Variants in C11orf97 observed in about 807,000 individuals in gnomAD.
C11orf97 encodes the protein uncharacterized protein C11orf97.
In C11orf97, 15 loss-of-function variants were observed where a neutral mutation model predicts 16.2. That is an observed-to-expected ratio of 0.93 (90% CI 0.62 to 1.43). The LOEUF (loss-of-function observed/expected upper bound fraction) is 1.43, where lower values mean the gene tolerates loss of function less well. C11orf97 is among the 40% of genes most tolerant of loss of function. The pLI is 0.00. For synonymous variants in C11orf97, 61 were observed against 65.7 expected (o/e 0.93, Z 0.34); for missense variants, 171 against 161.2 (o/e 1.06, Z -0.33).
chr11:94,531,329 C>T (rs1288502171), intron 3 of C11orf97, among the ~76,000 whole-genome samples: 1 of 152,028 alleles, frequency 6.6e-6, no homozygotes, highest in Admixed American at 6.6e-5. Context: ...GTCCCAGCTA[C>T]TCAGGAGGCT....
At chr11:94,520,299 G>C (rs936402887) in intron 2 of C11orf97, among the ~76,000 whole-genome samples, 2 of 152,058 alleles carry the variant, frequency 1.3e-5, no homozygotes, top group African/African-American at 4.8e-5. Context: ...TGGCCTGTAG[G>C]TCACAATGCT....
chr11:94,529,525 A>C (rs1947723032), intron 3 of C11orf97, among the ~76,000 whole-genome samples: 1 of 152,184 alleles, frequency 6.6e-6, no homozygotes, highest in Non-Finnish European at 1.5e-5. Context: ...AATCCACATG[A>C]TCATATGAGT....
At chr11:94,521,770 T>C (rs1003225431) in intron 2 of C11orf97, among the ~76,000 whole-genome samples, 4 of 152,208 alleles carry the variant, frequency 2.6e-5, no homozygotes, top group African/African-American at 4.8e-5. Context: ...CCCAAGGTTA[T>C]GCATTAAGTA....
At position 94,531,894 on chromosome 11, in the gene C11orf97, A is replaced by T; in HGVS notation, c.377-2A>T. ...TTTTTTCACTTTTTTTTTTAACTCT[A>T]GGATAAGATGAATTAGATTTTCCAT... is the stretch of plus-strand genomic sequence containing the variant. On this transcript the variant is annotated splice_acceptor_variant, in intron 3 of 3. Transcript: ENST00000542198. LOFTEE classifies it high-confidence loss of function. 6.8e-7 allele frequency: 1 copy of T among 1,464,794 alleles called. No individual in the cohort carries two copies. Among genetic ancestry groups the T allele is most frequent in the Non-Finnish European group, 9.0e-7 (1 of 1,109,624 alleles). The allele number at this position is 1,464,794 out of a possible 1,614,324, so 90.7% of individuals were successfully genotyped here.
intron 2 of C11orf97, among the ~76,000 whole-genome samples, chr11:94,525,811 C>A (rs1268418032): frequency 1.3e-5 from 2 of 152,192 alleles, no homozygotes; most frequent in Non-Finnish European, 2.9e-5. Context: ...CTGAAAGGAA[C>A]TAAAATATTT....
At chr11:94,527,065 ATAT>A (rs1408694622) in intron 2 of C11orf97, among the ~76,000 whole-genome samples, 4 of 152,214 alleles carry the variant, frequency 2.6e-5, no homozygotes, top group Non-Finnish European at 5.9e-5. Flanking sequence ...CTTCAAGTAG[ATAT>A]TATTATCCCT....
intron 3 of C11orf97, among the ~76,000 whole-genome samples, chr11:94,528,523 G>A (rs1947716184): frequency 6.6e-6 from 1 of 152,170 alleles, no homozygotes; most frequent in Non-Finnish European, 1.5e-5. Flanking sequence ...GAGGAATCCT[G>A]TACTGTCTTT....
intron 2 of C11orf97, among the ~76,000 whole-genome samples, chr11:94,524,632 T>A (rs2135182843): frequency 6.6e-6 from 1 of 151,804 alleles, no homozygotes; most frequent in Non-Finnish European, 1.5e-5. Flanking sequence ...TCAGATCTTT[T>A]AATCAGATAG....
chr11:94,529,587 CT>C (rs1947723656), intron 3 of C11orf97, among the ~76,000 whole-genome samples: 12 of 152,196 alleles, frequency 7.9e-5, no homozygotes, highest in Admixed American at 7.9e-4. Context: ...CATAGAGACA[CT>C]TTACTACCTA....
At chr11:94,516,984 TGAGA>T (rs1591745990) in intron 1 of C11orf97, among the ~76,000 whole-genome samples, 4 of 152,320 alleles carry the variant, frequency 2.6e-5, no homozygotes, top group East Asian at 3.9e-4. Context: ...GCTACATTTC[TGAGA>T]AGAAATGTAG....
intron 3 of C11orf97, among the ~76,000 whole-genome samples, chr11:94,530,585 C>T (rs1200427016): frequency 6.6e-6 from 1 of 152,214 alleles, no homozygotes; most frequent in Non-Finnish European, 1.5e-5. Flanking sequence ...GTGTATCTGG[C>T]ACTTAGCACA....
At chr11:94,528,462 T>C (rs1448678969) in intron 3 of C11orf97, among the ~76,000 whole-genome samples, 1 of 152,094 alleles carries the variant, frequency 6.6e-6, no homozygotes, top group African/African-American at 2.4e-5. Context: ...GACTTTTTTC[T>C]TTACTTTCTA....
chr11:94,523,684 T>C (rs1479119435), intron 2 of C11orf97, among the ~76,000 whole-genome samples: 3 of 152,194 alleles, frequency 2.0e-5, no homozygotes, highest in Non-Finnish European at 4.4e-5. Context: ...ATTCAGAAAT[T>C]GAGTTTTATG....
At chr11:94,531,710 T>G (rs1947740533) in intron 3 of C11orf97, among the ~76,000 whole-genome samples, 186 bp from the exon 4 acceptor site, 1 of 152,076 alleles carries the variant, frequency 6.6e-6, no homozygotes, top group Non-Finnish European at 1.5e-5. Flanking sequence ...AAACTATGCT[T>G]CAGTCGTGAG....
At chr11:94,517,316 A>G (rs1458872571) in intron 1 of C11orf97, among the ~76,000 whole-genome samples, 1 of 152,166 alleles carries the variant, frequency 6.6e-6, no homozygotes, top group African/African-American at 2.4e-5. Flanking sequence ...TAAGGAGGAA[A>G]CTTTATCTAT....
chr11:94,523,083 G>A (rs898612350), intron 2 of C11orf97, among the ~76,000 whole-genome samples: 3 of 150,592 alleles, frequency 2.0e-5, no homozygotes, highest in South Asian at 2.1e-4. Context: ...TCTTCTCATC[G>A]TGAAATACAA....
In C11orf97 at chr11:94,528,168, T is replaced by C. The variant is rs1334665034; in HGVS notation, c.335T>C (p.Leu112Ser). 2 of 1,535,994 alleles carry C rather than the reference T, an allele frequency of 1.3e-6. No individual in the cohort carries two copies. Among genetic ancestry groups the C allele is most frequent in the Non-Finnish European group, 1.7e-6 (2 of 1,146,834 alleles). Residue 112 changes from leucine to serine, a missense_variant, in exon 3 of 4, where the codon TTG (leucine) becomes TCG (serine). Physicochemically the swap from Leu to Ser is moderately radical, Grantham distance 145. Coordinates refer to ENST00000542198, the MANE Select transcript of C11orf97 (RefSeq NM_001190462.2). ...KPGLPSRNSL[L>S]PQAKYYSRHG... The stretch of plus-strand genomic sequence containing the variant: ...GGACTGCCGAGCAGAAACAGTTTAT[T>C]GCCACAAGCCAAGTACTACTCCAGG...
intron 2 of C11orf97, among the ~76,000 whole-genome samples, chr11:94,518,343 C>T (rs1947630349): frequency 6.6e-6 from 1 of 152,000 alleles, no homozygotes; most frequent in Non-Finnish European, 1.5e-5. Context: ...ATCAGAATTA[C>T]CTGGGAGCTT....
intron 2 of C11orf97, among the ~76,000 whole-genome samples, chr11:94,518,102 C>T (rs893814612): frequency 1.4e-5 from 2 of 146,650 alleles, no homozygotes; most frequent in South Asian, 2.1e-4. Context: ...AAGCCAAGAT[C>T]GCGCCACTGT....
Sources: gnomAD v4.1 joint callset for allele counts (sites outside exome capture counted in the v4.1 genomes callset) on GRCh38, gnomAD v4.1.1 for gene constraint, MANE v1.5 for transcripts, NCBI Gene and HGNC (gene_info 2026-07-23, HGNC 2026-07-21) for gene names.